Variants in CNTN5 observed in about 807,000 individuals in gnomAD.
CNTN5 encodes the protein contactin-5.
In CNTN5, 77 loss-of-function variants were observed where a neutral mutation model predicts 129.1. The observed-to-expected ratio is 0.60, with a 90% CI of 0.50 to 0.72. CNTN5 has a LOEUF of 0.72. CNTN5 is among the 30% of genes least tolerant of loss of function. The pLI is 0.00. For synonymous variants in CNTN5, 509 were observed against 465.6 expected (o/e 1.09, Z -1.20); for missense variants, 1,478 against 1,328.8 (o/e 1.11, Z -1.75).
At chr11:99,113,225 C>G (rs1857884929) in intron 1 of CNTN5, among the ~76,000 whole-genome samples, 1 of 152,048 alleles carries the variant, frequency 6.6e-6, no homozygotes, top group Non-Finnish European at 1.5e-5. Flanking sequence ...ATTATATTCC[C>G]TCTTTGATGA....
chr11:100,209,536 G>C (rs760280022), intron 15 of CNTN5, among the ~76,000 whole-genome samples: 1 of 152,158 alleles, frequency 6.6e-6, no homozygotes, highest in Non-Finnish European at 1.5e-5. Flanking sequence ...ATCAGCAACA[G>C]TTAGAAATTA....
chr11:100,250,411 T>G (rs1195920023), intron 16 of CNTN5, among the ~76,000 whole-genome samples: 1 of 152,096 alleles, frequency 6.6e-6, no homozygotes, highest in African/African-American at 2.4e-5. Context: ...TCATCTTTCC[T>G]TCTACAAATA....
At chr11:100,227,318 A>C (rs992341685) in intron 16 of CNTN5, among the ~76,000 whole-genome samples, 1 of 152,136 alleles carries the variant, frequency 6.6e-6, no homozygotes, top group Non-Finnish European at 1.5e-5. Flanking sequence ...GCAATTCTTC[A>C]ACCTTGCCGC....
chr11:100,072,746 T>G (rs1222077668), intron 12 of CNTN5, among the ~76,000 whole-genome samples: 2 of 152,118 alleles, frequency 1.3e-5, no homozygotes, highest in Admixed American at 6.5e-5. Flanking sequence ...ATATTTGCAG[T>G]TGAAATTTCT....
At chr11:99,335,469 A>G (rs1866182263) in intron 2 of CNTN5, among the ~76,000 whole-genome samples, 2 of 152,008 alleles carry the variant, frequency 1.3e-5, no homozygotes, top group South Asian at 2.1e-4. Flanking sequence ...TAGGCATACA[A>G]TGAAAATAGT....
At chr11:99,519,728 A>C (rs1947200416) in intron 2 of CNTN5, among the ~76,000 whole-genome samples, 1 of 152,088 alleles carries the variant, frequency 6.6e-6, no homozygotes, top group African/African-American at 2.4e-5. Context: ...TATACATTTC[A>C]CATTCCATGT....
chr11:100,356,277 A>G lies in CNTN5; in HGVS notation c.*57A>G, dbSNP rs1952523495. 3 of 1,172,592 alleles carry G rather than the reference A, an allele frequency of 2.6e-6. No homozygotes were observed. Among genetic ancestry groups the G allele is most frequent in the Non-Finnish European group, 1.2e-6 (1 of 801,686 alleles). 72.6% of individuals were successfully genotyped at this position (1,172,592 alleles called of 1,614,324 possible). On this transcript the variant is annotated 3_prime_UTR_variant, in exon 25 of 25. Transcript: ENST00000524871. The stretch of plus-strand genomic sequence containing the variant: ...TTAGCTTGGTAACAGCGGTGAATAG[A>G]GTGTAGTGTAAGTGGAGAACCAGGA...
At chr11:99,867,470 G>C (rs1345945892) in intron 6 of CNTN5, among the ~76,000 whole-genome samples, 2 of 152,170 alleles carry the variant, frequency 1.3e-5, no homozygotes, top group Non-Finnish European at 2.9e-5. Flanking sequence ...CAAAAGCAAG[G>C]TGTTGGTGGG....
intron 3 of CNTN5, among the ~76,000 whole-genome samples, chr11:99,731,048 C>T (rs1943514993): frequency 6.6e-6 from 1 of 152,092 alleles, no homozygotes. Context: ...ATCCTCAAAA[C>T]TTAGAAAGAT....
intron 3 of CNTN5, among the ~76,000 whole-genome samples, chr11:99,600,158 G>A (rs1265073470): frequency 6.6e-6 from 1 of 151,952 alleles, no homozygotes; most frequent in Non-Finnish European, 1.5e-5. Flanking sequence ...GACACCCTGA[G>A]TACCCTGATT....
At chr11:99,962,050 T>C (rs189156055) in intron 8 of CNTN5, among the ~76,000 whole-genome samples, 83 of 152,328 alleles carry the variant, frequency 5.4e-4, no homozygotes, top group Admixed American at 5.9e-4. Flanking sequence ...TTGAAAATTC[T>C]TGTGCTTATA....
chr11:99,254,805 C>A (rs1862294223), intron 1 of CNTN5, among the ~76,000 whole-genome samples: 1 of 151,860 alleles, frequency 6.6e-6, no homozygotes, highest in Admixed American at 6.6e-5. Context: ...AAATTTTTCT[C>A]ATGTTACCCC....
intron 3 of CNTN5, among the ~76,000 whole-genome samples, chr11:99,596,924 A>G (rs1950145603): frequency 6.6e-6 from 1 of 152,154 alleles, no homozygotes; most frequent in East Asian, 1.9e-4. Flanking sequence ...CTGTTCTGGT[A>G]TTATTATTAT....
intron 7 of CNTN5, among the ~76,000 whole-genome samples, chr11:99,955,441 T>G (rs1036833748): frequency 2.6e-5 from 4 of 152,086 alleles, no homozygotes; most frequent in Non-Finnish European, 5.9e-5. Context: ...TAAAAAACAC[T>G]TTTCTTTATA....
At chr11:99,911,094 A>C (rs1386745821) in intron 6 of CNTN5, among the ~76,000 whole-genome samples, 6 of 152,106 alleles carry the variant, frequency 3.9e-5, no homozygotes, top group African/African-American at 7.2e-5. Context: ...TGACACTCAA[A>C]TGTAATTAAT....
rs1183942530 is a variant in CNTN5 at position 99,024,805 on chromosome 11, G to T, written c.-210+3535G>T. Among the ~76,000 whole-genome samples, 4 of 150,990 alleles carry T rather than the reference G, an allele frequency of 2.6e-5. No homozygotes were observed. In the East Asian group the frequency reaches 7.9e-4, roughly 30 times the overall value. On this transcript the variant is annotated intron_variant, in intron 1 of 24. Coordinates refer to ENST00000524871, the MANE Select transcript of CNTN5 (RefSeq NM_014361.4). ...GTCTGTTTTATGGAAATAAAAAAAA[G>T]AATCTCATTTTTAATCTAATATAAA...
At chr11:99,207,853 A>G (rs967288959) in intron 1 of CNTN5, among the ~76,000 whole-genome samples, 6 of 152,166 alleles carry the variant, frequency 3.9e-5, no homozygotes, top group African/African-American at 1.2e-4. Flanking sequence ...AATGAAATGC[A>G]TATAAAAGTT....
intron 2 of CNTN5, among the ~76,000 whole-genome samples, chr11:99,466,037 A>G (rs1565205824): frequency 6.6e-6 from 1 of 152,046 alleles, no homozygotes; most frequent in Non-Finnish European, 1.5e-5. Flanking sequence ...GTCCGCCACC[A>G]TGCCCTGCTC....
intron 2 of CNTN5, among the ~76,000 whole-genome samples, chr11:99,403,579 T>A (rs1174395832): frequency 6.6e-6 from 1 of 152,142 alleles, no homozygotes; most frequent in Non-Finnish European, 1.5e-5. Flanking sequence ...TTTCAAAAAA[T>A]TTTTCAATTT....
Sources: gnomAD v4.1 joint callset for allele counts (sites outside exome capture counted in the v4.1 genomes callset) on GRCh38, gnomAD v4.1.1 for gene constraint, MANE v1.5 for transcripts, NCBI Gene and HGNC (gene_info 2026-07-23, HGNC 2026-07-21) for gene names.